TMEM132B: variants seen among roughly 807,000 people sequenced by gnomAD.
The protein encoded by TMEM132B is transmembrane protein 132B.
Under a neutral mutation model 90.8 loss-of-function variants are expected in TMEM132B, and 18 were observed. The ratio of observed to expected loss-of-function variants is 0.20; its 90% CI spans 0.14 to 0.29. The LOEUF is 0.29. TMEM132B is among the 10% of genes least tolerant of loss of function. The pLI, the probability that TMEM132B is intolerant of heterozygous loss-of-function variation, is 1.00. For missense variants in TMEM132B, 1,096 were observed against 1,326.8 expected (o/e 0.83, Z 2.70); for synonymous variants, 504 against 523.3 (o/e 0.96, Z 0.50).
At chr12:125,196,136 G>GA (rs1235255141) in intron 1 of TMEM132B, among the ~76,000 whole-genome samples, 3 of 152,194 alleles carry the variant, frequency 2.0e-5, no homozygotes, top group Non-Finnish European at 4.4e-5. Flanking sequence ...TGCTGCAGAG[G>GA]AGGTGAGAAG....
intron 1 of TMEM132B, among the ~76,000 whole-genome samples, chr12:125,307,154 G>A (rs572145192): frequency 1.3e-5 from 2 of 152,268 alleles, no homozygotes; most frequent in South Asian, 2.1e-4. Flanking sequence ...TTTTCTCCAT[G>A]TCATTTGCAG....
At chr12:125,473,234 C>T (rs1201024818) in intron 3 of TMEM132B, among the ~76,000 whole-genome samples, 12 of 152,298 alleles carry the variant, frequency 7.9e-5, no homozygotes, top group Admixed American at 5.2e-4. Context: ...CTGCCCTCTT[C>T]ACCTGGTGGG....
chr12:125,594,534 C>T (rs1885393778), intron 5 of TMEM132B, among the ~76,000 whole-genome samples: 1 of 152,194 alleles, frequency 6.6e-6, no homozygotes, highest in African/African-American at 2.4e-5. Flanking sequence ...CACATCTTGG[C>T]CAGCACTTAG....
chr12:125,559,805 C>T (rs1295616345), intron 4 of TMEM132B, among the ~76,000 whole-genome samples: 2 of 152,128 alleles, frequency 1.3e-5, no homozygotes, highest in African/African-American at 2.4e-5. Flanking sequence ...GCTTTGTCTC[C>T]GATTGACACA....
chr12:125,613,119 CATATATATTTATATATTATATATAA>C (rs1885894869), intron 5 of TMEM132B, among the ~76,000 whole-genome samples: 1 of 76,290 alleles, frequency 1.3e-5, no homozygotes, highest in Non-Finnish European at 2.5e-5. Context: ...AAATATATAT[CATATATATTTATATATTATATATAA>C]ATATATATCA....
intron 1 of TMEM132B, among the ~76,000 whole-genome samples, chr12:125,288,672 G>C (rs1875441923): frequency 6.6e-6 from 1 of 152,002 alleles, no homozygotes; most frequent in African/African-American, 2.4e-5. Flanking sequence ...GGCATTTGGG[G>C]TAAAATAGTT....
chr12:125,315,346 C>T (rs1327903666), intron 1 of TMEM132B, among the ~76,000 whole-genome samples: 1 of 152,134 alleles, frequency 6.6e-6, no homozygotes, highest in Non-Finnish European at 1.5e-5. Context: ...TTACAGGCGC[C>T]CACCACCACG....
chr12:125,595,986 A>C (rs1593012392), intron 5 of TMEM132B, among the ~76,000 whole-genome samples: 1 of 152,118 alleles, frequency 6.6e-6, no homozygotes, highest in African/African-American at 2.4e-5. Flanking sequence ...AAATATTTCA[A>C]ATGTCCACAG....
At chr12:125,503,216 C>G (rs1050252122) in intron 3 of TMEM132B, among the ~76,000 whole-genome samples, 30 of 152,298 alleles carry the variant, frequency 2.0e-4, no homozygotes, top group African/African-American at 6.7e-4. Context: ...CCAAGCGCAG[C>G]CCCCTCCCCT....
chr12:125,234,684 C>CT (rs1873893832), intron 1 of TMEM132B, among the ~76,000 whole-genome samples: 1 of 152,152 alleles, frequency 6.6e-6, no homozygotes, highest in Non-Finnish European at 1.5e-5. Flanking sequence ...GTCCTCTGTT[C>CT]AAGATGGGAT....
At chr12:125,333,720 G>A (rs1876867178) in intron 1 of TMEM132B, among the ~76,000 whole-genome samples, 1 of 152,216 alleles carries the variant, frequency 6.6e-6, no homozygotes, top group Non-Finnish European at 1.5e-5. Context: ...TGCATGCACA[G>A]CCTAGTCAAA....
At position 125,213,259 on chromosome 12, in the gene TMEM132B, T is replaced by C. The variant is rs1388156028; in HGVS notation, c.67+26393T>C. Reference sequence around the variant, plus strand: ...GTAGCCTGTGTCAGTGCTATGCTCCTTTTTATGGTTGAATCATCTTCCATT... The same window carrying C: ...GTAGCCTGTGTCAGTGCTATGCTCCCTTTTATGGTTGAATCATCTTCCATT... On this transcript the variant is annotated intron_variant, in intron 1 of 8. Transcript: ENST00000682704. The surrounding 1 kb of genome is among the most constrained non-coding windows in gnomAD (Gnocchi z 4.2). Among the ~76,000 whole-genome samples, 1 of 152,254 alleles carries C rather than the reference T, an allele frequency of 6.6e-6. No homozygotes were observed. The highest frequency in any genetic ancestry group is 1.5e-5 in the Non-Finnish European group (1 of 68,034).
intron 1 of TMEM132B, among the ~76,000 whole-genome samples, chr12:125,330,016 T>C (rs767801777): frequency 3.9e-4 from 59 of 152,366 alleles, no homozygotes; most frequent in Middle Eastern, 6.8e-3. Flanking sequence ...TGGCAGCCTG[T>C]GGCCATTGTT....
intron 3 of TMEM132B, among the ~76,000 whole-genome samples, chr12:125,436,633 C>G (rs1880713677): frequency 6.6e-6 from 1 of 152,190 alleles, no homozygotes; most frequent in Admixed American, 6.5e-5. Flanking sequence ...GACAGGTTCT[C>G]CCTCACAGCT....
intron 2 of TMEM132B, among the ~76,000 whole-genome samples, chr12:125,402,392 G>A (rs1879345810): frequency 6.6e-6 from 1 of 152,160 alleles, no homozygotes; most frequent in Non-Finnish European, 1.5e-5. Flanking sequence ...GGCCAGGCTG[G>A]TCCTGAACTC....
intron 4 of TMEM132B, among the ~76,000 whole-genome samples, chr12:125,563,627 T>G (rs1474979924): frequency 6.0e-5 from 9 of 150,398 alleles, no homozygotes; most frequent in Admixed American, 5.3e-4. Context: ...ATCTGTGAGG[T>G]GCAATAAGGT....
At chr12:125,618,925 T>C (rs1489489207) in intron 5 of TMEM132B, among the ~76,000 whole-genome samples, 1 of 152,232 alleles carries the variant, frequency 6.6e-6, no homozygotes, top group East Asian at 1.9e-4. Flanking sequence ...TTATTATTTT[T>C]AAATTTATGG....
At chr12:125,604,649 A>G (rs1178669059) in intron 5 of TMEM132B, among the ~76,000 whole-genome samples, 1 of 152,236 alleles carries the variant, frequency 6.6e-6, no homozygotes, top group Non-Finnish European at 1.5e-5. Flanking sequence ...AAATGTTTGA[A>G]CATGTTTCCA....
intron 1 of TMEM132B, among the ~76,000 whole-genome samples, chr12:125,286,266 G>C (rs1875353739): frequency 6.6e-6 from 1 of 152,234 alleles, no homozygotes; most frequent in African/African-American, 2.4e-5. Context: ...CGGAACTCAT[G>C]CTCTTGGGTA....
Sources: allele counts gnomAD v4.1 joint callset (sites outside exome capture counted in the v4.1 genomes callset), GRCh38; gene constraint gnomAD v4.1.1; non-coding constraint Gnocchi (gnomAD v3.1); transcripts MANE v1.5; gene names NCBI Gene and HGNC (gene_info 2026-07-23, HGNC 2026-07-21).